Variants in ATP6V0A2 observed in about 807,000 individuals in gnomAD.
ATP6V0A2 encodes the protein V-type proton ATPase 116 kDa subunit a 2.
A neutral mutation model predicts 104.4 loss-of-function variants in ATP6V0A2; 58 were observed. The observed-to-expected ratio is 0.56, with a 90% CI of 0.45 to 0.69. The LOEUF (loss-of-function observed/expected upper bound fraction) is 0.69. Among genes scored for constraint, ATP6V0A2 ranks in the 30% least tolerant of loss-of-function variants. The probability of loss-of-function intolerance (pLI) is 0.00; values close to 1 mark genes in which losing one functional copy is unlikely to be tolerated. For missense variants in ATP6V0A2, 938 were observed against 1,062.9 expected, an observed-to-expected ratio of 0.88 and a Z score of 1.63; for synonymous variants, 376 against 397.9, an observed-to-expected ratio of 0.95 and a Z score of 0.65.
rs1051245146 is a variant in ATP6V0A2 at position 123,718,768 on chromosome 12, A to T, written c.196+67A>T. 13 of 1,151,012 alleles carry T rather than the reference A, an allele frequency of 1.1e-5. No homozygotes were observed. The African/African-American group carries it at 2.0e-4, about 18-fold the overall frequency. 71.3% of individuals were successfully genotyped at this position (1,151,012 alleles called of 1,614,324 possible). A position where few individuals can be genotyped will look rare whatever the true frequency, so the allele number is the denominator to read the frequency against. On this transcript the variant is annotated intron_variant, in intron 2 of 19. Transcript: ENST00000330342. ...TATATAGGCAAACCTTGTTCGGTTT[A>T]AAAATATTGGAAAATATAGACAAGC...
At position 123,758,081 on chromosome 12, in the gene ATP6V0A2, G is replaced by C; in HGVS notation, c.*49G>C. 1 of 1,304,664 alleles carries C rather than the reference G, an allele frequency of 7.7e-7. No homozygotes were observed. Among genetic ancestry groups the C allele is most frequent in the South Asian group, 1.2e-5 (1 of 84,232 alleles). 80.8% of individuals were successfully genotyped at this position (1,304,664 alleles called of 1,614,324 possible). ...TTTCAGATTTATGGAGAATGACCATGTTATAGACTTTCACTTATGTCAGAT... is the reference window on the plus strand; with the variant it reads ...TTTCAGATTTATGGAGAATGACCATCTTATAGACTTTCACTTATGTCAGAT... On this transcript the variant is annotated 3_prime_UTR_variant, in exon 20 of 20. Transcript: ENST00000330342.
intron 6 of ATP6V0A2, 129 bp downstream of exon 6, chr12:123,728,038 A>T: frequency 8.3e-7 from 1 of 1,202,124 alleles, no homozygotes; most frequent in South Asian, 1.3e-5. Flanking sequence ...TATCTCTTCA[A>T]CCACGTGTAG....
At chr12:123,739,914 T>G (rs1956591938) in intron 9 of ATP6V0A2, among the ~76,000 whole-genome samples, 1 of 152,218 alleles carries the variant, frequency 6.6e-6, no homozygotes, top group African/African-American at 2.4e-5. Flanking sequence ...TAGTTTTTTG[T>G]TTTGTTTTGT....
Position 123,744,011 on chromosome 12 carries a change from T to G in ATP6V0A2, c.1189+76T>G, listed in dbSNP as rs1956635527. ...TCTTGCTCTAAGAATGGAATAGATA[T>G]TTGGAAAGAGAGGCTGACCATTACT... On this transcript the variant is annotated intron_variant, in intron 10 of 19. Coordinates refer to ENST00000330342, the MANE Select transcript of ATP6V0A2 (RefSeq NM_012463.4). The surrounding 1 kb of genome is among the most constrained non-coding windows in gnomAD (Gnocchi z 5.4). 4 of 1,592,716 alleles carry G rather than the reference T, an allele frequency of 2.5e-6. No individual in the cohort carries two copies. In the Admixed American group the frequency reaches 5.0e-5, roughly 20 times the overall value.
intron 13 of ATP6V0A2, among the ~76,000 whole-genome samples, chr12:123,745,820 G>C (rs938498658): frequency 1.3e-5 from 2 of 152,264 alleles, no homozygotes; most frequent in Middle Eastern, 6.8e-3. Context: ...GTTGGGTGGG[G>C]TTTTCCTGAG....
rs1162516546 is a variant in ATP6V0A2, at chr12:123,737,256, A to G, written c.1023A>G (p.Ala341=). 3 of 1,614,054 alleles carry G rather than the reference A, an allele frequency of 1.9e-6. No homozygotes were observed. The African/African-American group carries it at 4.0e-5, about 22-fold the overall frequency. Residue 341 remains alanine, a synonymous_variant, in exon 9 of 20, where the codon GCA becomes GCG. Coordinates refer to ENST00000330342, the MANE Select transcript of ATP6V0A2 (RefSeq NM_012463.4). ...CGGATCTGCAGGACCTGCGCCGGGC[A>G]CTGGAGGAGGGCTCGGTAAGGCTGC... ...PEADLQDLRR[A]LEEGSRESGA...
chr12:123,733,604 C>A, intron 6 of ATP6V0A2: 1 of 366,028 alleles, frequency 2.7e-6, no homozygotes, highest in Non-Finnish European at 5.1e-6. Flanking sequence ...TGATACCAAA[C>A]AGACTCTGAA....
chr12:123,724,942 ATTTTGT>A (rs1956435103), intron 4 of ATP6V0A2, 151 bp downstream of exon 4: 1 of 557,116 alleles, frequency 1.8e-6, no homozygotes, highest in African/African-American at 2.0e-5. Context: ...TTAATTTTAT[ATTTTGT>A]TTTTGAGACG....
chr12:123,744,501 T>C lies in ATP6V0A2; in HGVS notation c.1327-96T>C. 1 of 1,583,396 alleles carries C rather than the reference T, an allele frequency of 6.3e-7. No homozygotes were observed. Among genetic ancestry groups the C allele is most frequent in the Non-Finnish European group, 8.6e-7 (1 of 1,156,804 alleles). ...GGATGTCTGCGGGGCGAGGCTGTTT[T>C]CTGAGAAGTGAGTGGTGAGGGTCGT... is the stretch of plus-strand genomic sequence containing the variant. On this transcript the variant is annotated intron_variant, in intron 11 of 19. Transcript: ENST00000330342. This position sits in a 1 kb window ranked among gnomAD's most constrained non-coding sequence, Gnocchi z 5.4.
In ATP6V0A2 at chr12:123,744,770, G is replaced by T; in HGVS notation, c.1500G>T (p.Lys500Asn). The T allele has an allele frequency of 6.2e-7, 1 of 1,614,154 alleles. No homozygotes were observed. The highest frequency in any genetic ancestry group is 8.5e-7 in the Non-Finnish European group (1 of 1,180,012). Residue 500 changes from lysine to asparagine, a missense_variant, in exon 12 of 20, where the codon AAG (lysine) becomes AAT (asparagine). By Grantham distance (94) the Lys-to-Asn change is moderately conservative. Coordinates refer to ENST00000330342, the MANE Select transcript of ATP6V0A2 (RefSeq NM_012463.4). This position sits in a 1 kb window ranked among gnomAD's most constrained non-coding sequence, Gnocchi z 5.4. ...SSSHPPAEHKKMVLWNDSVVR... is the reference protein window; with the variant it reads ...SSSHPPAEHKNMVLWNDSVVR... Reference sequence around the variant, plus strand: ...GCCACCCACCCGCAGAGCATAAGAAGATGGTGCTTTGGAAGTAAGTGTCCC... The same window carrying T: ...GCCACCCACCCGCAGAGCATAAGAATATGGTGCTTTGGAAGTAAGTGTCCC...
At chr12:123,737,780 G>A (rs1047403002) in intron 9 of ATP6V0A2, 1 of 170,788 alleles carries the variant, frequency 5.9e-6, no homozygotes, top group African/African-American at 2.4e-5. Context: ...ATTTCTTTGA[G>A]TTTCTTAACT....
chr12:123,730,736 A>G (rs2135894418), intron 6 of ATP6V0A2: 1 of 152,274 alleles, frequency 6.6e-6, no homozygotes, highest in South Asian at 2.1e-4. Flanking sequence ...GCATTTACTC[A>G]AGTTAAAATT....
intron 4 of ATP6V0A2, among the ~76,000 whole-genome samples, chr12:123,725,042 T>G (rs192821655): frequency 6.6e-6 from 1 of 152,160 alleles, no homozygotes; most frequent in Non-Finnish European, 1.5e-5. Flanking sequence ...TTCAAGAGAT[T>G]GTCCTGCCTC....
At chr12:123,716,313 C>A (rs527252964) in intron 1 of ATP6V0A2, among the ~76,000 whole-genome samples, 6 of 152,146 alleles carry the variant, frequency 3.9e-5, no homozygotes, top group Non-Finnish European at 7.4e-5. Context: ...GTCATCCCCC[C>A]ACCTTGGCCC....
At chr12:123,731,056 A>C (rs1298942118) in intron 6 of ATP6V0A2, 1 of 152,256 alleles carries the variant, frequency 6.6e-6, no homozygotes, top group Non-Finnish European at 1.5e-5. Flanking sequence ...AACATCTGTG[A>C]AGGAATACAG....
chr12:123,741,219 C>T (rs1412798349), intron 9 of ATP6V0A2, among the ~76,000 whole-genome samples: 1 of 152,028 alleles, frequency 6.6e-6, no homozygotes, highest in African/African-American at 2.4e-5. Flanking sequence ...TCACTTGAGT[C>T]CAGGAGTTTG....
At chr12:123,743,959 C>A (rs1250795257) in intron 10 of ATP6V0A2, 24 bp downstream of exon 10, 1 of 1,613,708 alleles carries the variant, frequency 6.2e-7, no homozygotes, top group Non-Finnish European at 8.5e-7. Flanking sequence ...TTTGTAAATA[C>A]CCGTATTTCC....
Position 123,722,465 on chromosome 12 carries a change from G to A in ATP6V0A2, c.294+17G>A, listed in dbSNP as rs1457163744. ...GAAATGCAGGTAACTTGCTTCTGACGAAGCTGGTTGCAGCCATTGATCTTG... is the reference window on the plus strand; with the variant it reads ...GAAATGCAGGTAACTTGCTTCTGACAAAGCTGGTTGCAGCCATTGATCTTG... On this transcript the variant is annotated intron_variant, in intron 3 of 19. Transcript: ENST00000330342. The A allele has an allele frequency of 4.7e-6, 7 of 1,497,176 alleles. No individual in the cohort carries two copies. The highest frequency in any genetic ancestry group is 2.8e-5 in the African/African-American group (2 of 72,476). 92.7% of individuals were successfully genotyped at this position (1,497,176 alleles called of 1,614,324 possible).
In ATP6V0A2 at chr12:123,752,346, A is replaced by G. The variant is rs760143170; in HGVS notation, c.2119A>G (p.Ile707Val). Residue 707 changes from isoleucine to valine, a missense_variant, in exon 17 of 20, where the codon ATA becomes GTA. Physicochemically the swap from Ile to Val is conservative, Grantham distance 29. Coordinates refer to ENST00000330342, the MANE Select transcript of ATP6V0A2 (RefSeq NM_012463.4). Reference protein sequence around the residue: ...EEVSLLGSQDIEEGNHQVEDG... With the variant: ...EEVSLLGSQDVEEGNHQVEDG... ...AGTTTCATTGCTGGGAAGCCAAGAT[A>G]TAGAAGAGGGAAATCACCAGGTGGA... 2.5e-6 allele frequency: 4 copies of G among 1,614,078 alleles called. No homozygotes were observed. In the African/African-American group the frequency reaches 4.0e-5, roughly 16 times the overall value.
Sources: allele counts gnomAD v4.1 joint callset (sites outside exome capture counted in the v4.1 genomes callset), GRCh38; gene constraint gnomAD v4.1.1; non-coding constraint Gnocchi (gnomAD v3.1); transcripts MANE v1.5; gene names NCBI Gene and HGNC (gene_info 2026-07-23, HGNC 2026-07-21).